ACTR3C: variants seen among roughly 807,000 people sequenced by gnomAD.
ACTR3C encodes actin related protein 3C.
Under a neutral mutation model 26.3 loss-of-function variants are expected in ACTR3C, and 18 were observed. The observed-to-expected ratio is 0.68, with a 90% CI of 0.47 to 1.01. The LOEUF (loss-of-function observed/expected upper bound fraction) is 1.01. ACTR3C is among the 50% of genes least tolerant of loss of function. The pLI is 0.00. For missense variants in ACTR3C, 184 were observed against 250.7 expected, an observed-to-expected ratio of 0.73 and a Z score of 1.80; for synonymous variants, 55 against 94.5, an observed-to-expected ratio of 0.58 and a Z score of 2.42.
At chr7:149,971,721 T>C in the ACTR3C span, among the ~76,000 whole-genome samples, 1 of 152,082 alleles carries the variant, frequency 6.6e-6, no homozygotes, top group Non-Finnish European at 1.5e-5. Flanking sequence ...CACAGTGGAG[T>C]GTCATGTCTC....
At chr7:150,201,288 G>A in the ACTR3C span, among the ~76,000 whole-genome samples, 2,733 of 152,244 alleles carry the variant, frequency 0.018, 88 homozygotes, top group African/African-American at 0.062. Flanking sequence ...CATTTTATAA[G>A]ACACAACACA....
At chr7:150,047,049 A>G in the ACTR3C span, among the ~76,000 whole-genome samples, 1 of 151,812 alleles carries the variant, frequency 6.6e-6, no homozygotes, top group Admixed American at 6.6e-5. Context: ...GGAAAGGATA[A>G]TCACCACCAC....
At chr7:149,914,424 T>G in the ACTR3C span, among the ~76,000 whole-genome samples, 1,171 of 151,898 alleles carry the variant, frequency 7.7e-3, 14 homozygotes, top group African/African-American at 0.027. Flanking sequence ...AACCCCATCT[T>G]TATACTAAAA....
At chr7:150,152,088 G>A in the ACTR3C span, among the ~76,000 whole-genome samples, 4 of 151,610 alleles carry the variant, frequency 2.6e-5, no homozygotes, top group African/African-American at 9.6e-5. Flanking sequence ...TTTGCAAACA[G>A]GGACAATTTG....
chr7:150,184,352 G>T, the ACTR3C span, among the ~76,000 whole-genome samples: 1 of 150,728 alleles, frequency 6.6e-6, no homozygotes, highest in South Asian at 2.1e-4. Context: ...TACAAGTATC[G>T]CACATGGCGT....
intron 1 of ACTR3C, among the ~76,000 whole-genome samples, chr7:150,313,413 T>C (rs890566228): frequency 6.6e-6 from 1 of 152,224 alleles, no homozygotes; most frequent in African/African-American, 2.4e-5. Flanking sequence ...CTGGAATCAA[T>C]AGAAAGAAAT....
chr7:150,013,580 G>A, the ACTR3C span, among the ~76,000 whole-genome samples: 2 of 152,350 alleles, frequency 1.3e-5, no homozygotes, highest in South Asian at 2.1e-4. Flanking sequence ...GGGATTGGCC[G>A]TTCCCTCCTC....
At chr7:150,314,966 TAATA>T (rs1424449543) in intron 1 of ACTR3C, among the ~76,000 whole-genome samples, 1 of 147,218 alleles carries the variant, frequency 6.8e-6, no homozygotes, top group Admixed American at 6.8e-5. Context: ...TAATAATAAA[TAATA>T]AATAGTATTA....
In ACTR3C at chr7:150,281,149, G is replaced by T. The variant is rs374471273; in HGVS notation, c.564+3604C>A. 7.2e-5 allele frequency among the ~76,000 whole-genome samples: 11 copies of T among 152,246 alleles called. No individual in the cohort carries two copies. In the East Asian group the frequency reaches 1.2e-3, roughly 16 times the overall value. On this transcript the variant is annotated intron_variant, in intron 6 of 7. Transcript: ENST00000683684. ...TCCTGGAGAGAGGGCGTCTTACCCG[G>T]CAAGAGTGACCCAGCAGGTTGGAAG...
the ACTR3C span, among the ~76,000 whole-genome samples, chr7:149,991,652 C>T: frequency 3.9e-5 from 6 of 152,246 alleles, no homozygotes; most frequent in Non-Finnish European, 5.9e-5. Context: ...TCCCACTTGC[C>T]TTCTTTGACA....
chr7:149,889,565 A>C, the ACTR3C span, among the ~76,000 whole-genome samples: 1 of 152,210 alleles, frequency 6.6e-6, no homozygotes, highest in African/African-American at 2.4e-5. Context: ...GGAAATGTAC[A>C]TTAAAGTCAC....
At chr7:150,101,447 A>T in the ACTR3C span, among the ~76,000 whole-genome samples, 8 of 151,712 alleles carry the variant, frequency 5.3e-5, no homozygotes, top group East Asian at 1.5e-3. Context: ...CCAGGGAAAT[A>T]ACTCTCTTCT....
At chr7:150,128,188 C>T in the ACTR3C span, among the ~76,000 whole-genome samples, 1 of 151,854 alleles carries the variant, frequency 6.6e-6, no homozygotes, top group Admixed American at 6.6e-5. Context: ...ACGGGCACTT[C>T]CCAACTGCCA....
chr7:149,912,779 C>T, the ACTR3C span, among the ~76,000 whole-genome samples: 31 of 152,062 alleles, frequency 2.0e-4, no homozygotes, highest in South Asian at 4.6e-3. Flanking sequence ...GGGTTACAGG[C>T]GTGAGCCACA....
At chr7:150,105,422 C>T in the ACTR3C span, among the ~76,000 whole-genome samples, 5 of 151,886 alleles carry the variant, frequency 3.3e-5, no homozygotes, top group African/African-American at 1.2e-4. Context: ...ATAAACTGTC[C>T]TTATGTTTCA....
the ACTR3C span, among the ~76,000 whole-genome samples, chr7:149,985,568 G>A: frequency 3.3e-5 from 5 of 152,188 alleles, no homozygotes; most frequent in African/African-American, 7.2e-5. Context: ...TGGTCGAGCC[G>A]GGAGTGGGCA....
the ACTR3C span, among the ~76,000 whole-genome samples, chr7:149,997,520 C>T: frequency 1.3e-5 from 2 of 152,116 alleles, no homozygotes; most frequent in Non-Finnish European, 2.9e-5. Context: ...ATATATCTGG[C>T]ATTCAATCAA....
At chr7:150,225,004 A>AGTGTGT in the ACTR3C span, among the ~76,000 whole-genome samples, 5,583 of 136,206 alleles carry the variant, frequency 0.041, 139 homozygotes, top group African/African-American at 0.056. Context: ...CACCCCCATT[A>AGTGTGT]GTGTGTGTGT....
the ACTR3C span, among the ~76,000 whole-genome samples, chr7:150,011,090 T>G: frequency 2.6e-5 from 4 of 151,322 alleles, no homozygotes; most frequent in Non-Finnish European, 4.4e-5. Context: ...CTAACCCTGC[T>G]CACCCAGGGT....
Sources: allele counts gnomAD v4.1 joint callset (sites outside exome capture counted in the v4.1 genomes callset), GRCh38; gene constraint gnomAD v4.1.1; transcripts MANE v1.5; gene names NCBI Gene and HGNC (gene_info 2026-07-23, HGNC 2026-07-21).